SH3GLB1: variants seen among roughly 807,000 people sequenced by gnomAD.
The protein encoded by SH3GLB1 is SH3 domain containing GRB2 like, endophilin B1, also known as endophilin-B1.
Under a neutral mutation model 42.0 loss-of-function variants are expected in SH3GLB1, and 17 were observed. The ratio of observed to expected loss-of-function variants is 0.40; its 90% confidence interval spans 0.28 to 0.61. The LOEUF is 0.61. SH3GLB1 is among the 20% of genes least tolerant of loss of function. The pLI is 0.36. For synonymous variants in SH3GLB1, 132 were observed against 146.6 expected (o/e 0.90, Z 0.72); for missense variants, 355 against 426.3 (o/e 0.83, Z 1.47).
At chr1:86,721,377 G>A (rs1032550274) in intron 3 of SH3GLB1, among the ~76,000 whole-genome samples, 2 of 152,132 alleles carry the variant, frequency 1.3e-5, no homozygotes, top group African/African-American at 4.8e-5. Context: ...TTAATCCACA[G>A]TCACAGCTAG....
intron 5 of SH3GLB1, among the ~76,000 whole-genome samples, chr1:86,727,588 A>G (rs1033903200): frequency 3.9e-5 from 6 of 152,018 alleles, no homozygotes; most frequent in African/African-American, 7.2e-5. Flanking sequence ...AATCTGAAAC[A>G]CTTCTGGTCC....
In SH3GLB1 at chr1:86,735,974, A is replaced by C. The variant is rs564027191; in HGVS notation, c.761+795A>C. 1.6e-3 allele frequency among the ~76,000 whole-genome samples: 251 copies of C among 152,310 alleles called. 2 individuals are homozygous for C. In the Middle Eastern group the frequency reaches 0.031, roughly 19 times the overall value. On this transcript the variant is annotated intron_variant, in intron 7 of 8. Coordinates refer to ENST00000370558, the MANE Select transcript of SH3GLB1 (RefSeq NM_016009.5). ...TGAGGTACATCTAGCAGAGTTTCCC[A>C]GGTGAAGTTATCTTGGTAGGAATAA...
chr1:86,724,893 ATAT>A (rs1435525942), intron 5 of SH3GLB1, among the ~76,000 whole-genome samples: 35 of 102,530 alleles, frequency 3.4e-4, no homozygotes, highest in Non-Finnish European at 5.2e-4. Context: ...AAAAAAAAAA[ATAT>A]ATATATATAT....
At position 86,742,191 on chromosome 1, in the gene SH3GLB1, T is replaced by C; in HGVS notation, c.762-17T>C. ...AGTCACTTGGAAATAAATAATTCGC[T>C]GCTTTCTTTTCAACAGTTTTCCATC... On this transcript the variant is annotated splice_polypyrimidine_tract_variant and intron_variant, in intron 7 of 8. Coordinates refer to ENST00000370558, the MANE Select transcript of SH3GLB1 (RefSeq NM_016009.5). 6.2e-7 allele frequency: 1 copy of C among 1,600,248 alleles called. No individual in the cohort carries two copies. Among genetic ancestry groups the C allele is most frequent in the Non-Finnish European group, 8.6e-7 (1 of 1,167,548 alleles).
chr1:86,715,923 A>T lies in SH3GLB1; in HGVS notation c.214+58A>T, dbSNP rs1376970756. The T allele has an allele frequency of 5.9e-6, 9 of 1,537,790 alleles. No homozygotes were observed. In the East Asian group the frequency reaches 2.1e-4, roughly 36 times the overall value. On this transcript the variant is annotated intron_variant, in intron 2 of 8. Transcript: ENST00000370558. ...ACTATTAGTGGGTTTTTAAATGTTA[A>T]AAAAAAAAGTTTTAATGGCCATCTG... is the stretch of plus-strand genomic sequence containing the variant.
Position 86,715,814 on chromosome 1 carries a change from T to C in SH3GLB1, c.163T>C (p.Trp55Arg), listed in dbSNP as rs1434972542. The change falls in exon 2 of 9, where the codon TGG becomes CGG. Residue 55 changes from tryptophan (W) to arginine (R), a missense_variant. By Grantham distance (101) the Trp-to-Arg change is moderately radical (BLOSUM62 -3). Coordinates refer to ENST00000370558, the MANE Select transcript of SH3GLB1 (RefSeq NM_016009.5). ...LLSKAECTKI[W>R]TEKIMKQTEV... Reference sequence around the variant, plus strand: ...TAGCAAAGCTGAATGTACCAAAATATGGACAGAAAAAATAATGAAACAAAC... The same window carrying C: ...TAGCAAAGCTGAATGTACCAAAATACGGACAGAAAAAATAATGAAACAAAC... The C allele has an allele frequency of 5.0e-6, 8 of 1,611,720 alleles. No individual in the cohort carries two copies. The highest frequency in any genetic ancestry group is 5.9e-6 in the Non-Finnish European group (7 of 1,179,496).
intron 5 of SH3GLB1, 84 bp downstream of exon 5, chr1:86,724,489 A>G (rs1387127983): frequency 7.4e-6 from 8 of 1,075,710 alleles, no homozygotes; most frequent in African/African-American, 1.6e-5. Context: ...GATACAGACT[A>G]TTAACTTTAG....
rs1035142721 is a variant in SH3GLB1 at position 86,730,471 on chromosome 1, G to A, written c.571-4131G>A. On this transcript the variant is annotated intron_variant, in intron 5 of 8. Coordinates refer to ENST00000370558, the MANE Select transcript of SH3GLB1 (RefSeq NM_016009.5). ...GTTAACACCATGTCCTGTATCTTCAGAGAATGGGATATATAATATTTCGCA... is the reference window on the plus strand; with the variant it reads ...GTTAACACCATGTCCTGTATCTTCAAAGAATGGGATATATAATATTTCGCA... 1.5e-4 allele frequency: 103 copies of A among 685,612 alleles called. No individual in the cohort carries two copies. In the African/African-American group the frequency reaches 1.8e-3, roughly 12 times the overall value. The allele number at this position is 685,612 out of a possible 1,614,324, so 42.5% of individuals were successfully genotyped here.
intron 1 of SH3GLB1, among the ~76,000 whole-genome samples, chr1:86,715,273 CTT>C (rs1405381789): frequency 6.6e-6 from 1 of 152,184 alleles, no homozygotes; most frequent in African/African-American, 2.4e-5. Flanking sequence ...TATTGTCTCT[CTT>C]TTATAATAGA....
intron 2 of SH3GLB1, among the ~76,000 whole-genome samples, chr1:86,717,963 A>T (rs2101932295): frequency 6.6e-6 from 1 of 152,342 alleles, no homozygotes; most frequent in East Asian, 1.9e-4. Flanking sequence ...CGAAGTCAGC[A>T]TAAGATTCCA....
Position 86,734,670 on chromosome 1 carries a change from A to G in SH3GLB1, c.639A>G (p.Leu213=), listed in dbSNP as rs781299527. ...AAGCAGAGATTACCAGACTTCTGCT[A>G]GAGGGAATCAGCAGTACACATGTGA... ...DRQAEITRLL[L]EGISSTHAHH... is the part of the protein sequence containing the mutation. Residue 213 remains leucine, a synonymous_variant, in exon 6 of 9, where the codon CTA becomes CTG. Coordinates refer to ENST00000370558, the MANE Select transcript of SH3GLB1 (RefSeq NM_016009.5). 1.2e-5 allele frequency: 19 copies of G among 1,612,458 alleles called. No individual in the cohort carries two copies. The highest frequency in any genetic ancestry group is 1.6e-5 in the Non-Finnish European group (19 of 1,178,722).
intron 1 of SH3GLB1, among the ~76,000 whole-genome samples, chr1:86,710,108 C>A (rs1654111719): frequency 6.6e-6 from 1 of 152,178 alleles, no homozygotes; most frequent in African/African-American, 2.4e-5. Flanking sequence ...TTACTTAAAA[C>A]TGTTTTCACA....
In SH3GLB1 at chr1:86,704,619, C is replaced by T. The variant is rs868507507; in HGVS notation, c.-281C>T. 1.3e-5 allele frequency: 4 copies of T among 314,214 alleles called. No individual in the cohort carries two copies. Among genetic ancestry groups the T allele is most frequent in the South Asian group, 1.3e-4 (3 of 23,936 alleles). 19.5% of individuals were successfully genotyped at this position (314,214 alleles called of 1,614,324 possible). Reference sequence around the variant, plus strand: ...GGGTCCACACGGCGGGGTCGCCCGTCCATCTCCGGCTCGCCCGCGGGGCCC... The same window carrying T: ...GGGTCCACACGGCGGGGTCGCCCGTTCATCTCCGGCTCGCCCGCGGGGCCC... On this transcript the variant is annotated 5_prime_UTR_variant, in exon 1 of 9. Coordinates refer to ENST00000370558, the MANE Select transcript of SH3GLB1 (RefSeq NM_016009.5).
intron 7 of SH3GLB1, 21 bp from the exon 8 acceptor site, chr1:86,742,187 T>G: frequency 6.3e-7 from 1 of 1,592,524 alleles, no homozygotes; most frequent in Non-Finnish European, 8.6e-7. Flanking sequence ...AATAAATAAT[T>G]CGCTGCTTTC....
intron 7 of SH3GLB1, among the ~76,000 whole-genome samples, chr1:86,737,900 C>A (rs1449399184): frequency 6.6e-6 from 1 of 152,126 alleles, no homozygotes; most frequent in Non-Finnish European, 1.5e-5. Context: ...GAGGGCATGA[C>A]ATAGCTGGTA....
In SH3GLB1 at chr1:86,708,339, A is replaced by ATCTACT. The variant is rs1406144569; in HGVS notation, c.72+3368_72+3369insTCTACT. 6.7e-4 allele frequency among the ~76,000 whole-genome samples: 102 copies of ATCTACT among 152,238 alleles called. 1 individual carries two copies. Among genetic ancestry groups the ATCTACT allele is most frequent in the African/African-American group, 2.4e-3 (98 of 41,466 alleles). On this transcript the variant is annotated intron_variant, in intron 1 of 8. Coordinates refer to ENST00000370558, the MANE Select transcript of SH3GLB1 (RefSeq NM_016009.5). ...TATAAGCAGTAAGAACAGTAGAGAG[A>ATCTACT]GAAACATTCACGTTTATAAATAATA...
chr1:86,727,582 T>A (rs1238535711), intron 5 of SH3GLB1, among the ~76,000 whole-genome samples: 1 of 152,038 alleles, frequency 6.6e-6, no homozygotes, highest in Non-Finnish European at 1.5e-5. Context: ...ACCAGAAATC[T>A]GAAACACTTC....
Position 86,742,330 on chromosome 1 carries a change from C to G in SH3GLB1, c.884C>G (p.Pro295Arg). ...ACAAGTGGCCTAGTAATCACCTCTC[C>G]TTCCAACCTCAGTGACCTTAAGGAG... Reference protein sequence around the residue: ...ASTSGLVITSPSNLSDLKECS... With the variant: ...ASTSGLVITSRSNLSDLKECS... Residue 295 changes from proline (P) to arginine (R), a missense_variant, in exon 8 of 9, where the codon CCT becomes CGT. Transcript: ENST00000370558. 1 of 1,614,138 alleles carries G rather than the reference C, an allele frequency of 6.2e-7. No homozygotes were observed. Among genetic ancestry groups the G allele is most frequent in the Non-Finnish European group, 8.5e-7 (1 of 1,180,018 alleles).
At position 86,743,586 on chromosome 1, in the gene SH3GLB1, G is replaced by T. The variant is rs1039449551; in HGVS notation, c.*351G>T. 1 of 157,300 alleles carries T rather than the reference G, an allele frequency of 6.4e-6. No individual in the cohort carries two copies. The highest frequency in any genetic ancestry group is 1.4e-5 in the Non-Finnish European group (1 of 71,286). 9.7% of individuals were successfully genotyped at this position (157,300 alleles called of 1,614,324 possible). On this transcript the variant is annotated 3_prime_UTR_variant, in exon 9 of 9. Coordinates refer to ENST00000370558, the MANE Select transcript of SH3GLB1 (RefSeq NM_016009.5). ...ATGTAAAATAAATCTATTGTGAATT[G>T]ATATCAGCGACTCATTTATTAGGTA...
Sources: gnomAD v4.1 joint callset for allele counts (sites outside exome capture counted in the v4.1 genomes callset) on GRCh38, gnomAD v4.1.1 for gene constraint, MANE v1.5 for transcripts, NCBI Gene and HGNC (gene_info 2026-07-23, HGNC 2026-07-21) for gene names.